Variants in ZFHX3 observed in about 807,000 individuals in gnomAD.
ZFHX3 encodes the protein zinc finger homeobox protein 3.
A neutral mutation model predicts 279.1 loss-of-function variants in ZFHX3; 42 were observed. The observed-to-expected ratio is 0.15, with a 90% CI of 0.12 to 0.19. The LOEUF (loss-of-function observed/expected upper bound fraction) is 0.19, where lower values mean the gene tolerates loss of function less well. Among genes scored for constraint, ZFHX3 ranks in the 10% least tolerant of loss-of-function variants. The probability of loss-of-function intolerance (pLI) is 1.00; values close to 1 mark genes in which losing one functional copy is unlikely to be tolerated. For missense variants in ZFHX3, 4,981 were observed against 4,754.0 expected (o/e 1.05, Z -1.40); for synonymous variants, 2,293 against 1,957.8 (o/e 1.17, Z -4.52).
intron 5 of ZFHX3, among the ~76,000 whole-genome samples, chr16:72,828,449 C>G (rs1176080333): frequency 6.6e-6 from 1 of 152,230 alleles, no homozygotes; most frequent in Non-Finnish European, 1.5e-5. Context: ...TGGCCGTTCT[C>G]CTTCTCTCAA....
chr16:73,219,102 G>A (rs377487649), intron 5 of ZFHX3, among the ~76,000 whole-genome samples: 2 of 152,234 alleles, frequency 1.3e-5, no homozygotes, highest in East Asian at 1.9e-4. Flanking sequence ...AGGTTCATTC[G>A]TATTGAAGCA....
At chr16:73,415,405 T>G (rs1292573504) in intron 3 of ZFHX3, among the ~76,000 whole-genome samples, 2 of 152,170 alleles carry the variant, frequency 1.3e-5, no homozygotes, top group African/African-American at 4.8e-5. Flanking sequence ...CTGCAACCAT[T>G]AAGCCTTAAA....
At chr16:73,094,451 G>A (rs908453587) in intron 7 of ZFHX3, 1 of 151,814 alleles carries the variant, frequency 6.6e-6, no homozygotes, top group African/African-American at 2.4e-5. Flanking sequence ...TTAAAAATGT[G>A]TTTGTCTTAT....
chr16:73,431,590 G>A (rs1010542865), intron 3 of ZFHX3, among the ~76,000 whole-genome samples: 13 of 152,202 alleles, frequency 8.5e-5, no homozygotes, highest in African/African-American at 1.4e-4. Flanking sequence ...TTCCATAAAT[G>A]TTCCATTATT....
At chr16:72,886,060 T>C (rs1480058845) in intron 4 of ZFHX3, among the ~76,000 whole-genome samples, 1 of 152,226 alleles carries the variant, frequency 6.6e-6, no homozygotes, top group African/African-American at 2.4e-5. Context: ...TAATGTCCGT[T>C]CTCTTGAAGA....
intron 3 of ZFHX3, among the ~76,000 whole-genome samples, chr16:73,434,472 C>A (rs142146447): frequency 1.3e-5 from 2 of 152,308 alleles, no homozygotes; most frequent in East Asian, 3.9e-4. Flanking sequence ...AAACAATCTG[C>A]ATCTGCTTGA....
chr16:73,208,554 A>T (rs1440300871), intron 5 of ZFHX3, among the ~76,000 whole-genome samples: 4 of 152,244 alleles, frequency 2.6e-5, no homozygotes, highest in Non-Finnish European at 5.9e-5. Flanking sequence ...AGGAAATTTA[A>T]ACAAAATGAG....
chr16:72,907,831 G>A (rs1369335194), intron 3 of ZFHX3, among the ~76,000 whole-genome samples: 4 of 151,742 alleles, frequency 2.6e-5, no homozygotes, highest in African/African-American at 7.3e-5. Context: ...CCACAGGCCC[G>A]TGCTACCATG....
intron 2 of ZFHX3, among the ~76,000 whole-genome samples, chr16:73,607,030 C>T (rs557581407): frequency 6.6e-6 from 1 of 151,322 alleles, no homozygotes; most frequent in African/African-American, 2.4e-5. Flanking sequence ...AGGACATGAT[C>T]TCTCTCTGCT....
chr16:73,157,144 T>C (rs150680027), intron 5 of ZFHX3, among the ~76,000 whole-genome samples: 1 of 152,264 alleles, frequency 6.6e-6, no homozygotes, highest in African/African-American at 2.4e-5. Context: ...GGAGGACAAG[T>C]CATGAATGTG....
chr16:73,562,663 C>T (rs2020389058), intron 2 of ZFHX3, among the ~76,000 whole-genome samples: 1 of 147,528 alleles, frequency 6.8e-6, no homozygotes, highest in Non-Finnish European at 1.5e-5. Flanking sequence ...CCAGAGAAGG[C>T]AGAGATGATT....
At chr16:73,667,637 G>C (rs990251205) in intron 2 of ZFHX3, among the ~76,000 whole-genome samples, 3 of 152,156 alleles carry the variant, frequency 2.0e-5, no homozygotes, top group African/African-American at 7.2e-5. Flanking sequence ...CTAATATTTG[G>C]AGCTATGAGA....
intron 2 of ZFHX3, among the ~76,000 whole-genome samples, chr16:73,639,637 A>G (rs1164411018): frequency 6.6e-6 from 1 of 152,192 alleles, no homozygotes; most frequent in Non-Finnish European, 1.5e-5. Context: ...TATAAATTTA[A>G]TGGCATTAAA....
At chr16:73,736,195 G>T (rs1223611552) in intron 1 of ZFHX3, among the ~76,000 whole-genome samples, 1 of 152,148 alleles carries the variant, frequency 6.6e-6, no homozygotes, top group Non-Finnish European at 1.5e-5. Flanking sequence ...AGTGATCCCT[G>T]TGGGTTTCTA....
chr16:73,438,715 A>G (rs184777549), intron 3 of ZFHX3, among the ~76,000 whole-genome samples: 4 of 152,350 alleles, frequency 2.6e-5, no homozygotes, highest in Non-Finnish European at 4.4e-5. Context: ...ATTTGTGTTA[A>G]ATTAGAATTT....
At chr16:73,754,813 T>C (rs2053793765) in intron 1 of ZFHX3, among the ~76,000 whole-genome samples, 6 of 152,034 alleles carry the variant, frequency 3.9e-5, no homozygotes, top group Admixed American at 3.9e-4. Flanking sequence ...ACAATATATA[T>C]AAAAGAAGGT....
chr16:72,986,048 C>G (rs993756008), intron 1 of ZFHX3, among the ~76,000 whole-genome samples: 7 of 152,118 alleles, frequency 4.6e-5, no homozygotes, highest in Non-Finnish European at 8.8e-5. Flanking sequence ...AACCACCCCC[C>G]ACCCCGCCAA....
chr16:73,837,552 A>G (rs958707561), intron 1 of ZFHX3, among the ~76,000 whole-genome samples: 3 of 152,236 alleles, frequency 2.0e-5, no homozygotes, highest in African/African-American at 7.2e-5. Flanking sequence ...AGAATCACTA[A>G]CAGCACAAGA....
At chr16:73,593,464 C>A (rs921722888) in intron 2 of ZFHX3, among the ~76,000 whole-genome samples, 1 of 151,816 alleles carries the variant, frequency 6.6e-6, no homozygotes, top group Non-Finnish European at 1.5e-5. Context: ...GTTTATTTAT[C>A]ATTAGAAAAT....
Sources: gnomAD v4.1 joint callset for allele counts (sites outside exome capture counted in the v4.1 genomes callset) on GRCh38, gnomAD v4.1.1 for gene constraint, MANE v1.5 for transcripts, NCBI Gene and HGNC (gene_info 2026-07-23, HGNC 2026-07-21) for gene names.